The following UBE2D2 variants were observed in gnomAD, a reference collection of about 807,000 sequenced individuals.
UBE2D2 encodes the protein ubiquitin conjugating enzyme E2 D2.
Under a neutral mutation model 24.2 loss-of-function variants are expected in UBE2D2, and 2 were observed. That is an observed-to-expected ratio of 0.08 (90% CI 0.03 to 0.26). UBE2D2 has a LOEUF of 0.26. Ranked by LOEUF, UBE2D2 falls within the 10% of genes least tolerant of loss-of-function variation. The pLI is 1.00. For missense variants in UBE2D2, 44 were observed against 177.6 expected (o/e 0.25, Z 4.28); for synonymous variants, 58 against 56.5 (o/e 1.03, Z -0.12).
upstream of UBE2D2, among the ~76,000 whole-genome samples, chr5:139,558,757 CT>C (rs1036277583): frequency 2.0e-5 from 3 of 152,016 alleles, no homozygotes; most frequent in Non-Finnish European, 4.4e-5. Context: ...GTGTGGGTGA[CT>C]TTTATTTCCT....
At chr5:139,594,967 T>C (rs1261128244) in intron 1 of UBE2D2, among the ~76,000 whole-genome samples, 1 of 152,152 alleles carries the variant, frequency 6.6e-6, no homozygotes, top group African/African-American at 2.4e-5. Context: ...TAAAACCTAA[T>C]ACAGTGTAAG....
intron 1 of UBE2D2, among the ~76,000 whole-genome samples, chr5:139,597,642 CAATTGTTA>C (rs1186792441): frequency 1.3e-5 from 2 of 152,158 alleles, no homozygotes; most frequent in African/African-American, 2.4e-5. Flanking sequence ...CAGAATTGTT[CAATTGTTA>C]AATTGTTAAA....
chr5:139,538,830 A>G (rs1054230093), intron 1 of UBE2D2, among the ~76,000 whole-genome samples: 11 of 151,766 alleles, frequency 7.2e-5, no homozygotes, highest in Admixed American at 5.9e-4. Context: ...CGATCATGCC[A>G]TTGCACTCTA....
At chr5:139,551,038 T>C (rs193150421) in intron 1 of UBE2D2, among the ~76,000 whole-genome samples, 2 of 152,266 alleles carry the variant, frequency 1.3e-5, no homozygotes, top group African/African-American at 4.8e-5. Context: ...TACCATCTTA[T>C]TCTCCTTTTA....
chr5:139,588,623 G>A (rs1299506141), intron 1 of UBE2D2, among the ~76,000 whole-genome samples: 2 of 152,034 alleles, frequency 1.3e-5, no homozygotes, highest in African/African-American at 4.8e-5. Flanking sequence ...ATCATTAAAA[G>A]GGATAGGCTT....
intron 1 of UBE2D2, among the ~76,000 whole-genome samples, chr5:139,535,820 CT>C (rs1752662734): frequency 6.6e-6 from 1 of 152,182 alleles, no homozygotes; most frequent in Non-Finnish European, 1.5e-5. Context: ...CTCTCATGCA[CT>C]CCTTATCCAG....
rs1227134999 is a variant in UBE2D2, at chr5:139,628,244, A to C, written c.*1443A>C. ...AAATATAGCTTGAAACTTGTAAACAACTGTGTTTGCCAGAAACATCATTCA... is the reference window on the plus strand; with the variant it reads ...AAATATAGCTTGAAACTTGTAAACACCTGTGTTTGCCAGAAACATCATTCA... On this transcript the variant is annotated 3_prime_UTR_variant, in exon 7 of 7. Coordinates refer to ENST00000398733, the MANE Select transcript of UBE2D2 (RefSeq NM_003339.3). The C allele has an allele frequency of 6.6e-6, 1 of 152,600 alleles. No homozygotes were observed. The highest frequency in any genetic ancestry group is 1.5e-5 in the Non-Finnish European group (1 of 68,030). The allele number at this position is 152,600 out of a possible 1,614,324, so 9.5% of individuals were successfully genotyped here. A position where few individuals can be genotyped will look rare whatever the true frequency, so the allele number is the denominator to read the frequency against.
At chr5:139,592,180 C>A (rs967822107) in intron 1 of UBE2D2, among the ~76,000 whole-genome samples, 1 of 151,790 alleles carries the variant, frequency 6.6e-6, no homozygotes, top group African/African-American at 2.4e-5. Context: ...CTAGCCTGGG[C>A]GACAAAGCAA....
intron 5 of UBE2D2, among the ~76,000 whole-genome samples, 178 bp from the exon 6 acceptor site, chr5:139,623,187 AAAT>A (rs373300447): frequency 7.9e-5 from 12 of 151,746 alleles, no homozygotes; most frequent in Middle Eastern, 3.4e-3. Context: ...AAAAAAAAAG[AAAT>A]AATAATAATA....
chr5:139,550,517 A>T (rs1383317706), intron 1 of UBE2D2, among the ~76,000 whole-genome samples: 1 of 152,148 alleles, frequency 6.6e-6, no homozygotes, highest in Non-Finnish European at 1.5e-5. Flanking sequence ...GAATAAAAGC[A>T]GGCTGCCTGC....
intron 1 of UBE2D2, among the ~76,000 whole-genome samples, chr5:139,564,656 T>C (rs1162268972): frequency 6.6e-6 from 1 of 152,210 alleles, no homozygotes; most frequent in Non-Finnish European, 1.5e-5. Flanking sequence ...GATTTCACCA[T>C]GTTGGCCAGG....
intron 1 of UBE2D2, among the ~76,000 whole-genome samples, chr5:139,539,021 A>G (rs959602229): frequency 6.6e-6 from 1 of 152,106 alleles, no homozygotes; most frequent in African/African-American, 2.4e-5. Flanking sequence ...CGTGACTGAG[A>G]AAAGTCAATC....
intron 1 of UBE2D2, among the ~76,000 whole-genome samples, chr5:139,572,687 C>T (rs1753375215): frequency 6.6e-6 from 1 of 150,760 alleles, no homozygotes; most frequent in South Asian, 2.1e-4. Context: ...GCTCTGTTGC[C>T]CAGGCTGTAG....
At chr5:139,602,107 A>G (rs933820203) in intron 2 of UBE2D2, among the ~76,000 whole-genome samples, 18 of 152,200 alleles carry the variant, frequency 1.2e-4, no homozygotes, top group African/African-American at 4.3e-4. Context: ...GCTGGAGTGC[A>G]GTGGCGTGAC....
chr5:139,558,153 T>G (rs1753005958), upstream of UBE2D2, among the ~76,000 whole-genome samples: 1 of 152,222 alleles, frequency 6.6e-6, no homozygotes, highest in East Asian at 1.9e-4. Flanking sequence ...ATTATTTTAA[T>G]AGTAAAAATG....
intron 1 of UBE2D2, among the ~76,000 whole-genome samples, chr5:139,540,029 C>T (rs1168968891): frequency 6.6e-6 from 1 of 152,142 alleles, no homozygotes; most frequent in Non-Finnish European, 1.5e-5. Flanking sequence ...AAGCGATTCT[C>T]CTGCCTCAGC....
rs147105350 is a variant in UBE2D2, at chr5:139,549,409, G to A, written c.-64+22797G>A. The stretch of plus-strand genomic sequence containing the variant: ...TCGAGGGCCAGCGCGAGTTCCGGGT[G>A]CGCGGGGTCTTGGCGGCCCCGCACT... On this transcript the variant is annotated intron_variant, in intron 1 of 6. Transcript: ENST00000511725. Among the ~76,000 whole-genome samples, 1,179 of 152,336 alleles carry A rather than the reference G, an allele frequency of 7.7e-3. 8 individuals are homozygous for A. The highest frequency in any genetic ancestry group is 0.041 in the Middle Eastern group (12 of 294).
chr5:139,559,128 TA>T (rs879928537), upstream of UBE2D2, among the ~76,000 whole-genome samples: 596 of 149,904 alleles, frequency 4.0e-3, 3 homozygotes, highest in Non-Finnish European at 6.8e-3. Flanking sequence ...AGAATAACTT[TA>T]AAAAAAAAAT....
chr5:139,611,099 G>A (rs1026971025), intron 2 of UBE2D2, among the ~76,000 whole-genome samples: 1 of 149,160 alleles, frequency 6.7e-6, no homozygotes, highest in Non-Finnish European at 1.5e-5. Context: ...AATTCCACTA[G>A]TTAGCGAGAA....
Sources: gnomAD v4.1 joint callset for allele counts (sites outside exome capture counted in the v4.1 genomes callset) on GRCh38, gnomAD v4.1.1 for gene constraint, MANE v1.5 for transcripts, NCBI Gene and HGNC (gene_info 2026-07-23, HGNC 2026-07-21) for gene names.